Variants in PITPNC1 observed in about 807,000 individuals in gnomAD.
PITPNC1 encodes the protein cytoplasmic phosphatidylinositol transfer protein 1.
Under a neutral mutation model 44.7 loss-of-function variants are expected in PITPNC1, and 18 were observed. The observed-to-expected ratio is 0.40, with a 90% CI of 0.28 to 0.60. PITPNC1 has a LOEUF of 0.60. PITPNC1 is among the 20% of genes least tolerant of loss of function. The probability of loss-of-function intolerance (pLI) is 0.39; values close to 1 mark genes in which losing one functional copy is unlikely to be tolerated. For synonymous variants in PITPNC1, 141 were observed against 149.6 expected (o/e 0.94, Z 0.42); for missense variants, 290 against 418.4 (o/e 0.69, Z 2.68).
intron 1 of PITPNC1, among the ~76,000 whole-genome samples, chr17:67,432,316 C>T (rs866339996): frequency 5.3e-5 from 8 of 152,030 alleles, no homozygotes; most frequent in Admixed American, 3.9e-4. Flanking sequence ...GGTGAAACCC[C>T]GTCTCTACTA....
rs149757620 is a variant in PITPNC1 at position 67,634,818 on chromosome 17, C to T, written c.462+2580C>T. Among the ~76,000 whole-genome samples the T allele has an allele frequency of 4.1e-3, 619 of 152,238 alleles. 4 individuals are homozygous for T. The highest frequency in any genetic ancestry group is 0.014 in the African/African-American group (593 of 41,534). ...CTGTAATCCCAGCATTTTGGGAGGC[C>T]GAGGCAGGCAGATCACCTGAGGTCA... On this transcript the variant is annotated intron_variant, in intron 6 of 8. Transcript: ENST00000581322.
intron 6 of PITPNC1, chr17:67,632,497 G>C: frequency 2.0e-6 from 1 of 488,316 alleles, no homozygotes; most frequent in Non-Finnish European, 3.7e-6. Context: ...GGCAACGTCA[G>C]TATCCATAGG....
At chr17:67,657,736 C>A (rs2144379447) in intron 6 of PITPNC1, among the ~76,000 whole-genome samples, 1 of 152,296 alleles carries the variant, frequency 6.6e-6, no homozygotes, top group South Asian at 2.1e-4. Context: ...TAATTCTATA[C>A]TTTTGTCACG....
chr17:67,616,743 T>G (rs961151390), intron 5 of PITPNC1, among the ~76,000 whole-genome samples: 1 of 152,206 alleles, frequency 6.6e-6, no homozygotes, highest in Admixed American at 6.5e-5. Flanking sequence ...TCCTATCCAC[T>G]TTGTTATCCT....
chr17:67,624,214 C>CTTTTTTTTTTTTT (rs71139163), intron 5 of PITPNC1, among the ~76,000 whole-genome samples: 1 of 127,126 alleles, frequency 7.9e-6, no homozygotes, highest in Non-Finnish European at 1.6e-5. Context: ...TCTTTCTTTT[C>CTTTTTTTTTTTTT]TTTTTTTTTT....
chr17:67,536,867 G>C (rs2040538081), intron 2 of PITPNC1, among the ~76,000 whole-genome samples: 1 of 152,112 alleles, frequency 6.6e-6, no homozygotes, highest in Non-Finnish European at 1.5e-5. Context: ...AATCTGTTCT[G>C]ATGTCTCCCC....
intron 1 of PITPNC1, among the ~76,000 whole-genome samples, chr17:67,480,775 A>T (rs1300425790): frequency 6.6e-6 from 1 of 152,322 alleles, no homozygotes; most frequent in African/African-American, 2.4e-5. Context: ...TTTTCACTGT[A>T]AGTATGCTTA....
In PITPNC1 at chr17:67,626,500, G is replaced by T. The variant is rs189750286; in HGVS notation, c.367-5643G>T. On this transcript the variant is annotated intron_variant, in intron 5 of 8. Transcript: ENST00000581322. ...TTCTCCTGCCTCAGCCTCCCTAGTA[G>T]CTGGGATTACAGGCACATGCCACCA... Among the ~76,000 whole-genome samples, 910 of 152,258 alleles carry T rather than the reference G, an allele frequency of 6.0e-3. 20 individuals are homozygous for T. Among genetic ancestry groups the T allele is most frequent in the South Asian group, 0.048 (231 of 4,820 alleles).
At chr17:67,447,238 T>C (rs1449964232) in intron 1 of PITPNC1, among the ~76,000 whole-genome samples, 1 of 151,850 alleles carries the variant, frequency 6.6e-6, no homozygotes, top group African/African-American at 2.4e-5. Context: ...AGCTCGTTCC[T>C]TGGAATGCAG....
Position 67,630,339 on chromosome 17 carries a change from C to T in PITPNC1, c.367-1804C>T, listed in dbSNP as rs530476332. On this transcript the variant is annotated intron_variant, in intron 5 of 8. Transcript: ENST00000581322. ...GTTGTCCAAACTTAAATCTGTTGGC[C>T]GGGCATGGTGGCTCACGCCTGTAAT... Among the ~76,000 whole-genome samples the T allele has an allele frequency of 5.9e-5, 9 of 152,316 alleles. No individual in the cohort carries two copies. In the South Asian group the frequency reaches 8.3e-4, roughly 14 times the overall value.
At chr17:67,522,794 C>T (rs2040345314) in intron 1 of PITPNC1, among the ~76,000 whole-genome samples, 1 of 151,826 alleles carries the variant, frequency 6.6e-6, no homozygotes, top group Non-Finnish European at 1.5e-5. Context: ...TCCCGAGTAG[C>T]TGGGACTACA....
intron 8 of PITPNC1, among the ~76,000 whole-genome samples, chr17:67,690,051 T>C (rs1013600736): frequency 6.6e-6 from 1 of 152,212 alleles, no homozygotes; most frequent in African/African-American, 2.4e-5. Flanking sequence ...ATATCCTTTG[T>C]AAAAACTTTC....
chr17:67,425,491 TTCC>T (rs1341317359), intron 1 of PITPNC1, among the ~76,000 whole-genome samples: 1 of 132,022 alleles, frequency 7.6e-6, no homozygotes, highest in African/African-American at 2.8e-5. Flanking sequence ...CCCTCCTTCC[TTCC>T]TTCTCTCTCA....
At chr17:67,419,688 T>G (rs930465875) in intron 1 of PITPNC1, among the ~76,000 whole-genome samples, 3 of 152,202 alleles carry the variant, frequency 2.0e-5, no homozygotes, top group Admixed American at 2.0e-4. Context: ...GGCGGATAAC[T>G]TGAGGTCAGG....
intron 5 of PITPNC1, among the ~76,000 whole-genome samples, chr17:67,594,228 C>A (rs1357823851): frequency 6.6e-6 from 1 of 151,674 alleles, no homozygotes; most frequent in Non-Finnish European, 1.5e-5. Context: ...GAAAATGGCA[C>A]CCACTTCAGA....
At chr17:67,562,633 C>T (rs147966993) in intron 4 of PITPNC1, among the ~76,000 whole-genome samples, 1 of 152,166 alleles carries the variant, frequency 6.6e-6, no homozygotes, top group Non-Finnish European at 1.5e-5. Flanking sequence ...CATAACCACC[C>T]ACCTTATTTG....
At chr17:67,612,671 GCGGATGGA>G (rs1568065641) in intron 5 of PITPNC1, 1 of 140,374 alleles carries the variant, frequency 7.1e-6, no homozygotes, top group Admixed American at 7.4e-5. Flanking sequence ...GGATGGATGG[GCGGATGGA>G]TGGATGGATG....
intron 1 of PITPNC1, among the ~76,000 whole-genome samples, chr17:67,486,504 G>A (rs1393550576): frequency 6.6e-6 from 1 of 152,164 alleles, no homozygotes; most frequent in African/African-American, 2.4e-5. Context: ...TGGTAGCAAA[G>A]TACAGCTGGG....
Position 67,528,385 on chromosome 17 carries a change from A to T in PITPNC1, c.49-4417A>T, listed in dbSNP as rs2949948. 4.4e-3 allele frequency among the ~76,000 whole-genome samples: 672 copies of T among 152,342 alleles called. 4 individuals carry two copies. Among genetic ancestry groups the T allele is most frequent in the African/African-American group, 0.016 (646 of 41,574 alleles). On this transcript the variant is annotated intron_variant, in intron 1 of 8. Coordinates refer to ENST00000581322, the MANE Select transcript of PITPNC1 (RefSeq NM_012417.4). ...AAGAAAGGCAAAAGAAATATAAAGC[A>T]CTTAATCAGTGCCTTGCACTAATGG...
Sources: gnomAD v4.1 joint callset for allele counts (sites outside exome capture counted in the v4.1 genomes callset) on GRCh38, gnomAD v4.1.1 for gene constraint, MANE v1.5 for transcripts, NCBI Gene and HGNC (gene_info 2026-07-23, HGNC 2026-07-21) for gene names.